Variants in MIA2 observed in about 807,000 individuals in gnomAD.
MIA2 encodes MIA SH3 domain ER export factor 2.
MIA2 carries 127 observed loss-of-function variants against 167.8 expected under a neutral mutation model. The ratio of observed to expected loss-of-function variants is 0.76; its 90% CI spans 0.66 to 0.88. The LOEUF (loss-of-function observed/expected upper bound fraction) is 0.88, where lower values mean the gene tolerates loss of function less well. Among genes scored for constraint, MIA2 ranks in the 40% least tolerant of loss-of-function variants. The probability of loss-of-function intolerance (pLI) is 0.00; values close to 1 mark genes in which losing one functional copy is unlikely to be tolerated. For synonymous variants in MIA2, 552 were observed against 541.9 expected (o/e 1.02, Z -0.26); for missense variants, 1,690 against 1,624.7 (o/e 1.04, Z -0.69).
chr14:39,244,727 C>A (rs1304709348), intron 3 of MIA2, among the ~76,000 whole-genome samples: 2 of 151,742 alleles, frequency 1.3e-5, no homozygotes, highest in African/African-American at 4.8e-5. Context: ...TAGATCCTCA[C>A]TTCCATTGGC....
At chr14:39,317,688 G>T (rs2065736480) in intron 21 of MIA2, among the ~76,000 whole-genome samples, 1 of 152,302 alleles carries the variant, frequency 6.6e-6, no homozygotes, top group African/African-American at 2.4e-5. Flanking sequence ...TGTAAAGTTG[G>T]TACTATAATC....
intron 11 of MIA2, among the ~76,000 whole-genome samples, 164 bp from the exon 12 acceptor site, chr14:39,293,836 C>T (rs1221833253): frequency 1.3e-5 from 2 of 152,144 alleles, no homozygotes; most frequent in Non-Finnish European, 2.9e-5. Context: ...ACGTAATGTT[C>T]ATATAAAATC....
In MIA2 at chr14:39,277,751, TA is replaced by T; in HGVS notation, c.2019+687del. ...ATATATATATATATATATGTGTGTATATATATATATATATATATATATATAT... is the reference window on the plus strand; with the variant it reads ...ATATATATATATATATATGTGTGTATTATATATATATATATATATATATAT... On this transcript the variant is annotated intron_variant, in intron 7 of 28. Transcript: ENST00000640607. 2.9e-4 allele frequency among the ~76,000 whole-genome samples: 7 copies of T among 23,822 alleles called. 1 individual carries two copies. The Admixed American group carries it at 3.3e-3, about 11-fold the overall frequency. 15.6% of individuals were successfully genotyped at this position (23,822 alleles called of 152,430 possible).
intron 6 of MIA2, among the ~76,000 whole-genome samples, chr14:39,259,427 A>C (rs2054973960): frequency 6.6e-6 from 1 of 152,272 alleles, no homozygotes; most frequent in Non-Finnish European, 1.5e-5. Flanking sequence ...TATCTCTTTC[A>C]AATCTCCGCA....
chr14:39,266,754 T>A (rs971920971), intron 6 of MIA2: 1 of 980,800 alleles, frequency 1.0e-6, no homozygotes. Flanking sequence ...TCAGGACTTC[T>A]GCAGGGCGCA....
chr14:39,372,764 G>A (rs1290582548), intron 23 of MIA2, among the ~76,000 whole-genome samples: 1 of 152,162 alleles, frequency 6.6e-6, no homozygotes, highest in Non-Finnish European at 1.5e-5. Context: ...AGAGATTCCT[G>A]CACAAATCTA....
At chr14:39,342,582 G>A (rs985850434) in intron 25 of MIA2, among the ~76,000 whole-genome samples, 5 of 152,104 alleles carry the variant, frequency 3.3e-5, no homozygotes, top group Admixed American at 6.6e-5. Flanking sequence ...CTGAGGAATT[G>A]CCACACTGAC....
At position 39,302,204 on chromosome 14, in the gene MIA2, T is replaced by C. The variant is rs2062630470; in HGVS notation, c.2695T>C (p.Leu899=). 3 of 1,613,872 alleles carry C rather than the reference T, an allele frequency of 1.9e-6. No individual in the cohort carries two copies. The South Asian group carries it at 3.3e-5, about 18-fold the overall frequency. The change falls in exon 15 of 29, where the codon TTG becomes CTG. Residue 899 remains leucine (L), a synonymous_variant. Transcript: ENST00000640607. The part of the protein sequence containing the change: ...LGEDITDDDN[L]ELEMNSESEN... Reference sequence around the variant, plus strand: ...AGAAGACATAACGGATGATGATAACTTGGAATTAGAAATGAACAGTGAATC... The same window carrying C: ...AGAAGACATAACGGATGATGATAACCTGGAATTAGAAATGAACAGTGAATC...
rs1174547432 is a variant in MIA2, at chr14:39,321,059, A to G, written c.3496+3A>G. The G allele has an allele frequency of 1.2e-6, 2 of 1,608,730 alleles. No individual in the cohort carries two copies. Among genetic ancestry groups the G allele is most frequent in the Non-Finnish European group, 1.7e-6 (2 of 1,178,036 alleles). ...GCTTCCAGGGGGAGGAGGAAGAGGT[A>G]TATTGTTTAAACATCTTTATTACTC... On this transcript the variant is annotated splice_donor_region_variant and intron_variant, in intron 24 of 28. Transcript: ENST00000640607.
At chr14:39,326,341 A>G (rs1362285343) in intron 24 of MIA2, among the ~76,000 whole-genome samples, 2 of 152,112 alleles carry the variant, frequency 1.3e-5, no homozygotes, top group Non-Finnish European at 2.9e-5. Flanking sequence ...TATCTTTTTT[A>G]TCTTCTCATT....
chr14:39,238,811 A>AAAAACAAAACAAAAAAC lies in MIA2; in HGVS notation c.250-1750_250-1749insAAAACAAAACAAAAAAC. Among the ~76,000 whole-genome samples, 547 of 103,586 alleles carry AAAAACAAAACAAAAAAC rather than the reference A, an allele frequency of 5.3e-3. 22 individuals carry two copies. The highest frequency in any genetic ancestry group is 0.017 in the Middle Eastern group (3 of 174). The allele number at this position is 103,586 out of a possible 152,430, so 68.0% of individuals were successfully genotyped here. On this transcript the variant is annotated intron_variant, in intron 2 of 28. Coordinates refer to ENST00000640607, the MANE Select transcript of MIA2 (RefSeq NM_001329214.4). ...CCTGTCTCAAAAAAAAAAAAAAAAA[A>AAAAACAAAACAAAAAAC]CCCAAAAAACAAAAAAACCTAGCTG...
chr14:39,251,776 G>A (rs2054586779), intron 4 of MIA2, among the ~76,000 whole-genome samples: 1 of 152,122 alleles, frequency 6.6e-6, no homozygotes, highest in South Asian at 2.1e-4. Flanking sequence ...ATAAATAAAT[G>A]AAACTGTCAA....
At chr14:39,342,346 A>C (rs1051062522) in intron 25 of MIA2, among the ~76,000 whole-genome samples, 6 of 152,122 alleles carry the variant, frequency 3.9e-5, no homozygotes, top group African/African-American at 9.6e-5. Flanking sequence ...TGAACTCATC[A>C]TTTTTTATGG....
In MIA2 at chr14:39,299,936, T is replaced by A. The variant is rs758981386; in HGVS notation, c.2569T>A (p.Ser857Thr). ...LNKQKVTFED[S>T]KVHAEQVLND... ...TAAACAGAAAGTAACATTTGAAGAC[T>A]CCAAAGTACATGCAGAACAAGTTCT... Residue 857 changes from serine to threonine, a missense_variant, in exon 14 of 29, where the codon TCC becomes ACC. Physicochemically the swap from Ser to Thr is moderately conservative, Grantham distance 58. Transcript: ENST00000640607. The A allele has an allele frequency of 9.3e-6, 15 of 1,610,400 alleles. No homozygotes were observed. Among genetic ancestry groups the A allele is most frequent in the Non-Finnish European group, 1.1e-5 (13 of 1,178,818 alleles).
At chr14:39,267,874 A>G (rs1264754217) in intron 6 of MIA2, among the ~76,000 whole-genome samples, 1 of 152,168 alleles carries the variant, frequency 6.6e-6, no homozygotes, top group African/African-American at 2.4e-5. Flanking sequence ...ACTGTGAGAA[A>G]CTTGAGGACT....
At chr14:39,382,318 C>T (rs1429220870) in intron 23 of MIA2, among the ~76,000 whole-genome samples, 2 of 152,210 alleles carry the variant, frequency 1.3e-5, no homozygotes, top group South Asian at 2.1e-4. Flanking sequence ...TACCAAGCAT[C>T]GATAGGAAAT....
At chr14:39,333,472 GC>G (rs1271230101) in intron 25 of MIA2, among the ~76,000 whole-genome samples, 1 of 151,038 alleles carries the variant, frequency 6.6e-6, no homozygotes, top group Non-Finnish European at 1.5e-5. Flanking sequence ...AGAATATTGG[GC>G]TCTACCTTTG....
intron 23 of MIA2, among the ~76,000 whole-genome samples, chr14:39,368,800 A>G (rs2074877813): frequency 6.7e-6 from 1 of 149,912 alleles, no homozygotes; most frequent in Admixed American, 6.7e-5. Flanking sequence ...TTTTTTCAGT[A>G]AACGTACGTT....
chr14:39,247,481 A>C lies in MIA2; in HGVS notation c.907A>C (p.Lys303Gln). 15 of 1,613,978 alleles carry C rather than the reference A, an allele frequency of 9.3e-6. No homozygotes were observed. Among genetic ancestry groups the C allele is most frequent in the Non-Finnish European group, 1.3e-5 (15 of 1,179,962 alleles). The change falls in exon 4 of 29, where the codon AAA becomes CAA. Residue 303 changes from lysine to glutamine, a missense_variant. Transcript: ENST00000640607. ...ELASESEHIP[K>Q]PQSTGWFGGG... Reference sequence around the variant, plus strand: ...AGCATCTGAGTCAGAGCACATTCCCAAACCTCAATCCACTGGTTGGTTTGG... The same window carrying C: ...AGCATCTGAGTCAGAGCACATTCCCCAACCTCAATCCACTGGTTGGTTTGG...
Sources: gnomAD v4.1 joint callset for allele counts (sites outside exome capture counted in the v4.1 genomes callset) on GRCh38, gnomAD v4.1.1 for gene constraint, MANE v1.5 for transcripts, NCBI Gene and HGNC (gene_info 2026-07-23, HGNC 2026-07-21) for gene names.